Variants in CCDC30 observed in about 807,000 individuals in gnomAD.
CCDC30 encodes the protein coiled-coil domain-containing protein 30.
In CCDC30, 70 loss-of-function variants were observed where a neutral mutation model predicts 100.2. That is an observed-to-expected ratio of 0.70 (90% CI 0.58 to 0.85). The LOEUF (loss-of-function observed/expected upper bound fraction) is 0.85. Among genes scored for constraint, CCDC30 ranks in the 40% least tolerant of loss-of-function variants. The pLI is 0.00. For missense variants in CCDC30, 652 were observed against 771.2 expected, an observed-to-expected ratio of 0.85 and a Z score of 1.83; for synonymous variants, 233 against 269.5, an observed-to-expected ratio of 0.86 and a Z score of 1.33.
At chr1:42,457,125 A>G in the CCDC30 span, 9 of 1,576,856 alleles carry the variant, frequency 5.7e-6, no homozygotes, top group Non-Finnish European at 7.7e-6. Context: ...CTTTCTTTCC[A>G]GCCACTTATC....
chr1:42,617,098 T>C (rs1191100709), intron 11 of CCDC30, among the ~76,000 whole-genome samples: 1 of 152,144 alleles, frequency 6.6e-6, no homozygotes, highest in African/African-American at 2.4e-5. Context: ...GTACTGGTCA[T>C]ATTGGGAGTT....
intron 10 of CCDC30, among the ~76,000 whole-genome samples, chr1:42,610,230 AT>A (rs1472959276): frequency 3.5e-4 from 54 of 152,310 alleles, no homozygotes; most frequent in Non-Finnish European, 1.0e-4. Context: ...TTTGCCATAG[AT>A]TGCTAGAACT....
At chr1:42,631,752 C>T (rs550659585) in intron 11 of CCDC30, among the ~76,000 whole-genome samples, 2 of 152,310 alleles carry the variant, frequency 1.3e-5, no homozygotes, top group African/African-American at 4.8e-5. Context: ...CACCTCATAG[C>T]CATTACCATC....
At chr1:42,557,582 GT>G (rs1645395223) in intron 6 of CCDC30, among the ~76,000 whole-genome samples, 1 of 144,578 alleles carries the variant, frequency 6.9e-6, no homozygotes, top group African/African-American at 2.6e-5. Context: ...TGTACTTAAT[GT>G]TTATTTTATT....
intron 1 of CCDC30, among the ~76,000 whole-genome samples, chr1:42,473,969 AT>A (rs57748230): frequency 1.3e-4 from 19 of 149,866 alleles, no homozygotes; most frequent in East Asian, 5.9e-4. Flanking sequence ...AGATAAAGCT[AT>A]TTTTTTTTTG....
chr1:42,656,843 TATC>T (rs148814646), downstream of CCDC30, among the ~76,000 whole-genome samples: 1,015 of 152,324 alleles, frequency 6.7e-3, 17 homozygotes, highest in African/African-American at 0.023. Flanking sequence ...TAATAAATGC[TATC>T]ATCATTTATT....
intron 1 of CCDC30, among the ~76,000 whole-genome samples, chr1:42,465,243 C>T (rs1456504922): frequency 3.3e-5 from 5 of 152,120 alleles, no homozygotes; most frequent in East Asian, 3.9e-4. Context: ...CCTGGGAGAT[C>T]GAGGCTGCAG....
intron 6 of CCDC30, among the ~76,000 whole-genome samples, chr1:42,526,586 T>C (rs2148509518): frequency 6.6e-6 from 1 of 152,258 alleles, no homozygotes; most frequent in East Asian, 1.9e-4. Flanking sequence ...AATATGGATC[T>C]CCAAGGTTTT....
At chr1:42,614,099 G>A (rs1353293499) in intron 11 of CCDC30, among the ~76,000 whole-genome samples, 1 of 92,794 alleles carries the variant, frequency 1.1e-5, no homozygotes, top group African/African-American at 4.1e-5. Context: ...TTTTTTTTTT[G>A]AGATGGAGTC....
chr1:42,541,054 G>A (rs746021594), intron 6 of CCDC30, among the ~76,000 whole-genome samples: 8 of 152,080 alleles, frequency 5.3e-5, no homozygotes, highest in African/African-American at 7.2e-5. Flanking sequence ...GTCAGTTTGG[G>A]CTGCTATAAC....
At chr1:42,554,698 A>G (rs1312272066) in intron 6 of CCDC30, among the ~76,000 whole-genome samples, 1 of 152,188 alleles carries the variant, frequency 6.6e-6, no homozygotes, top group African/African-American at 2.4e-5. Flanking sequence ...TTGAGGGAAT[A>G]AAAATAAAAC....
chr1:42,472,546 A>T (rs1172178594), intron 1 of CCDC30, among the ~76,000 whole-genome samples: 1 of 152,196 alleles, frequency 6.6e-6, no homozygotes, highest in Non-Finnish European at 1.5e-5. Flanking sequence ...TAAATATGCA[A>T]TAAAAGGAAC....
downstream of CCDC30, among the ~76,000 whole-genome samples, chr1:42,656,139 G>C (rs928693856): frequency 2.0e-5 from 3 of 151,974 alleles, no homozygotes; most frequent in Non-Finnish European, 4.4e-5. Flanking sequence ...CTAGGTGATA[G>C]GATTATAGGA....
intron 6 of CCDC30, among the ~76,000 whole-genome samples, chr1:42,515,130 C>T (rs1644535505): frequency 6.6e-6 from 1 of 151,236 alleles, no homozygotes; most frequent in African/African-American, 2.4e-5. Context: ...AGAAGAAATG[C>T]CATGTGAAGA....
At chr1:42,602,554 A>G (rs1019610013) in intron 10 of CCDC30, among the ~76,000 whole-genome samples, 2 of 152,226 alleles carry the variant, frequency 1.3e-5, no homozygotes, top group Non-Finnish European at 2.9e-5. Flanking sequence ...CCTAAATAAA[A>G]TGGACCAATT....
intron 7 of CCDC30, among the ~76,000 whole-genome samples, chr1:42,569,747 C>T (rs527460601): frequency 1.8e-4 from 28 of 152,226 alleles, no homozygotes; most frequent in African/African-American, 6.3e-4. Flanking sequence ...CAATGATAGA[C>T]TGGATAAAGA....
intron 11 of CCDC30, among the ~76,000 whole-genome samples, chr1:42,614,741 C>A (rs935466594): frequency 6.6e-6 from 1 of 150,744 alleles, no homozygotes. Context: ...GAGCCAAGAT[C>A]ATGCCACTGC....
chr1:42,610,547 C>T (rs1415137965), intron 10 of CCDC30, among the ~76,000 whole-genome samples: 2 of 152,090 alleles, frequency 1.3e-5, no homozygotes, highest in Admixed American at 6.6e-5. Flanking sequence ...CTTCAGCCTC[C>T]CATGTAGCTG....
chr1:42,514,780 A>G (rs1035983984), intron 6 of CCDC30, among the ~76,000 whole-genome samples: 12 of 152,102 alleles, frequency 7.9e-5, no homozygotes, highest in African/African-American at 2.7e-4. Flanking sequence ...CACCCTCCCA[A>G]GTAGCTGAGA....
Sources: gnomAD v4.1 joint callset for allele counts (sites outside exome capture counted in the v4.1 genomes callset) on GRCh38, gnomAD v4.1.1 for gene constraint, MANE v1.5 for transcripts, NCBI Gene and HGNC (gene_info 2026-07-23, HGNC 2026-07-21) for gene names.